Variants in MROH9 observed in about 807,000 individuals in gnomAD.
MROH9 encodes maestro heat-like repeat-containing protein family member 9.
MROH9 carries 92 observed loss-of-function variants against 98.2 expected under a neutral mutation model. The ratio of observed to expected loss-of-function variants is 0.94; its 90% CI spans 0.79 to 1.11. The LOEUF (loss-of-function observed/expected upper bound fraction) is 1.11, where lower values mean the gene tolerates loss of function less well. Ranked by LOEUF, MROH9 falls within the 50% of genes most tolerant of loss-of-function variation. The pLI is 0.00. For missense variants in MROH9, 1,057 were observed against 1,014.8 expected (o/e 1.04, Z -0.57); for synonymous variants, 397 against 368.9 (o/e 1.08, Z -0.87).
chr1:170,967,729 G>A (rs2101899396), intron 7 of MROH9, among the ~76,000 whole-genome samples: 1 of 152,178 alleles, frequency 6.6e-6, no homozygotes, highest in Middle Eastern at 3.4e-3. Context: ...TGCCCATCAG[G>A]GTAGAGAAAC....
At chr1:171,022,085 A>G (rs1652538319) in intron 17 of MROH9, among the ~76,000 whole-genome samples, 1 of 152,214 alleles carries the variant, frequency 6.6e-6, no homozygotes, top group South Asian at 2.1e-4. Context: ...ATTATTAAAA[A>G]GTCAAAAAAT....
At chr1:171,045,343 T>A (rs943578938) in intron 20 of MROH9, among the ~76,000 whole-genome samples, 2 of 152,048 alleles carry the variant, frequency 1.3e-5, no homozygotes, top group African/African-American at 4.8e-5. Flanking sequence ...AATTTTGGGT[T>A]TGGTTTGCTC....
intron 15 of MROH9, among the ~76,000 whole-genome samples, chr1:171,002,735 G>A (rs1403767852): frequency 1.3e-5 from 2 of 152,146 alleles, no homozygotes; most frequent in Non-Finnish European, 2.9e-5. Context: ...GTGCTTAGGT[G>A]AAGATCTTTT....
chr1:171,062,118 T>C lies in MROH9; in HGVS notation c.2282-14T>C. The C allele has an allele frequency of 1.3e-6, 2 of 1,513,714 alleles. No individual in the cohort carries two copies. Among genetic ancestry groups the C allele is most frequent in the Non-Finnish European group, 1.8e-6 (2 of 1,116,252 alleles). The allele number at this position is 1,513,714 out of a possible 1,614,324, so 93.8% of individuals were successfully genotyped here. A position where few individuals can be genotyped will look rare whatever the true frequency, so the allele number is the denominator to read the frequency against. On this transcript the variant is annotated splice_polypyrimidine_tract_variant and intron_variant, in intron 20 of 21. Coordinates refer to ENST00000367759, the MANE Select transcript of MROH9 (RefSeq NM_001163629.2). Reference sequence around the variant, plus strand: ...TGCATGTTGCAGTAACTTTAATTTTTATTATGTGCATAGGATATTTGGCAA... The same window carrying C: ...TGCATGTTGCAGTAACTTTAATTTTCATTATGTGCATAGGATATTTGGCAA...
At chr1:170,958,807 CAT>C (rs577338579) in intron 4 of MROH9, among the ~76,000 whole-genome samples, 13 of 152,126 alleles carry the variant, frequency 8.5e-5, no homozygotes, top group Non-Finnish European at 1.3e-4. Context: ...ATGTGAAAAA[CAT>C]ATTATCATTG....
chr1:170,996,104 T>C (rs1189207408), intron 13 of MROH9, among the ~76,000 whole-genome samples: 3 of 152,138 alleles, frequency 2.0e-5, no homozygotes, highest in African/African-American at 7.2e-5. Context: ...CCCACCTGTC[T>C]ACTATTTGCC....
chr1:170,945,567 G>A lies in MROH9; in HGVS notation c.11G>A (p.Arg4Lys). The change falls in exon 2 of 22, where the codon AGG becomes AAG. Residue 4 changes from arginine (R) to lysine (K), a missense_variant. By Grantham distance (26) the Arg-to-Lys change is conservative. Transcript: ENST00000367759. MLT[R>K]NPKTKSSLQI... Reference sequence around the variant, plus strand: ...TACACCTCTGTCAGCATGTTGACAAGGAATCCAAAAACAAGTAAGGCTTTA... The same window carrying A: ...TACACCTCTGTCAGCATGTTGACAAAGAATCCAAAAACAAGTAAGGCTTTA... The A allele has an allele frequency of 6.2e-7, 1 of 1,611,938 alleles. No individual in the cohort carries two copies. Among genetic ancestry groups the A allele is most frequent in the Non-Finnish European group, 8.5e-7 (1 of 1,178,826 alleles).
At chr1:171,001,144 A>G (rs887244798) in intron 15 of MROH9, among the ~76,000 whole-genome samples, 3 of 151,916 alleles carry the variant, frequency 2.0e-5, no homozygotes, top group Admixed American at 1.3e-4. Flanking sequence ...TTCTTTGTTA[A>G]TCTTTCTAAT....
At chr1:170,991,817 C>T (rs1651366900) in intron 11 of MROH9, among the ~76,000 whole-genome samples, 1 of 151,828 alleles carries the variant, frequency 6.6e-6, no homozygotes, top group Non-Finnish European at 1.5e-5. Context: ...TATTCCTGAA[C>T]AAACAAAGTC....
At chr1:170,947,612 T>C in intron 3 of MROH9, 39 bp downstream of exon 3, 3 of 1,550,168 alleles carry the variant, frequency 1.9e-6, no homozygotes, top group Non-Finnish European at 2.7e-6. Context: ...GTAACTGAAT[T>C]CTCTTGGAAA....
intron 20 of MROH9, among the ~76,000 whole-genome samples, chr1:171,037,526 A>AT (rs906422721): frequency 1.1e-4 from 17 of 151,654 alleles, no homozygotes; most frequent in African/African-American, 2.7e-4. Context: ...AAAAGTGTCA[A>AT]TTTTTTTTTC....
intron 20 of MROH9, among the ~76,000 whole-genome samples, chr1:171,040,251 G>T (rs983004337): frequency 6.6e-6 from 1 of 152,064 alleles, no homozygotes; most frequent in African/African-American, 2.4e-5. Context: ...ATACATCAAA[G>T]GGTGCAAAGT....
chr1:171,000,113 T>C (rs956502983), intron 15 of MROH9, among the ~76,000 whole-genome samples: 1 of 152,154 alleles, frequency 6.6e-6, no homozygotes, highest in Non-Finnish European at 1.5e-5. Context: ...GCTGTGAAGA[T>C]TTTCTCCCAC....
At chr1:171,055,898 G>A (rs1471325948) in intron 20 of MROH9, among the ~76,000 whole-genome samples, 1 of 152,172 alleles carries the variant, frequency 6.6e-6, no homozygotes. Context: ...GCCCATCTGG[G>A]AGCCAGACGA....
intron 20 of MROH9, among the ~76,000 whole-genome samples, chr1:171,041,347 ATGTGTGTGTGTGTG>A (rs377650131): frequency 0.02 from 1,629 of 80,632 alleles, 35 homozygotes; most frequent in African/African-American, 0.048. Flanking sequence ...GTATTCCATG[ATGTGTGTGTGTGTG>A]TGTGTGTGTG....
intron 8 of MROH9, among the ~76,000 whole-genome samples, chr1:170,973,137 G>A (rs538658800): frequency 1.3e-5 from 2 of 152,042 alleles, no homozygotes; most frequent in Non-Finnish European, 2.9e-5. Flanking sequence ...ACACACGCAC[G>A]CACAAACCCA....
intron 20 of MROH9, among the ~76,000 whole-genome samples, chr1:171,039,883 G>A (rs1571160432): frequency 6.6e-6 from 1 of 152,022 alleles, no homozygotes; most frequent in African/African-American, 2.4e-5. Context: ...GCCAATAAGA[G>A]TATCTTGAGC....
chr1:170,951,785 T>A lies in MROH9; in HGVS notation c.72+4212T>A, dbSNP rs1208173731. Among the ~76,000 whole-genome samples, 3 of 152,072 alleles carry A rather than the reference T, an allele frequency of 2.0e-5. No homozygotes were observed. The East Asian group carries it at 5.8e-4, about 29-fold the overall frequency. ...AAGTCCTATAAAGACAGGGCTGTTGTAAAAGAGCAAAACAATGACCATCTG... is the reference window on the plus strand; with the variant it reads ...AAGTCCTATAAAGACAGGGCTGTTGAAAAAGAGCAAAACAATGACCATCTG... On this transcript the variant is annotated intron_variant, in intron 3 of 21. Coordinates refer to ENST00000367759, the MANE Select transcript of MROH9 (RefSeq NM_001163629.2).
At chr1:170,960,472 T>C (rs1011789077) in intron 5 of MROH9, among the ~76,000 whole-genome samples, 11 of 152,208 alleles carry the variant, frequency 7.2e-5, no homozygotes, top group African/African-American at 2.7e-4. Flanking sequence ...CCCATGTTTA[T>C]TAATGTTACA....
Sources: allele counts gnomAD v4.1 joint callset (sites outside exome capture counted in the v4.1 genomes callset), GRCh38; gene constraint gnomAD v4.1.1; transcripts MANE v1.5; gene names NCBI Gene and HGNC (gene_info 2026-07-23, HGNC 2026-07-21).